The following EIF2B3 variants were observed in gnomAD, a reference collection of about 807,000 sequenced individuals.
EIF2B3 encodes translation initiation factor eIF2B subunit gamma.
EIF2B3 carries 20 observed loss-of-function variants against 54.1 expected under a neutral mutation model. That is an observed-to-expected ratio of 0.37 (90% CI 0.26 to 0.54). The LOEUF (loss-of-function observed/expected upper bound fraction) is 0.54. EIF2B3 is among the 20% of genes least tolerant of loss of function. The probability of loss-of-function intolerance (pLI) is 0.86; values close to 1 mark genes in which losing one functional copy is unlikely to be tolerated. For synonymous variants in EIF2B3, 153 were observed against 188.1 expected (o/e 0.81, Z 1.52); for missense variants, 448 against 547.8 (o/e 0.82, Z 1.82).
chr1:44,924,664 G>T (rs942060365), intron 5 of EIF2B3, among the ~76,000 whole-genome samples: 3 of 152,190 alleles, frequency 2.0e-5, no homozygotes, highest in African/African-American at 7.2e-5. Context: ...GGAATTACAG[G>T]CGTGAGCCAC....
chr1:44,868,442 G>C (rs1654856773), intron 10 of EIF2B3, among the ~76,000 whole-genome samples: 1 of 149,898 alleles, frequency 6.7e-6, no homozygotes, highest in African/African-American at 2.4e-5. Context: ...GTGTCTTAGG[G>C]AGCCATGGTT....
Position 44,880,027 on chromosome 1 carries a change from A to G in EIF2B3, c.785-19T>C. 1 of 1,612,960 alleles carries G rather than the reference A, an allele frequency of 6.2e-7. No individual in the cohort carries two copies. The stretch of plus-strand genomic sequence containing the variant: ...TAGATATCTTCAGAACAAACACCCA[A>G]CCAAGGAAATAAATGAGAGAGAGAT... On this transcript the variant is annotated intron_variant, in intron 7 of 11. Coordinates refer to ENST00000360403, the MANE Select transcript of EIF2B3 (RefSeq NM_020365.5).
chr1:44,870,263 C>T (rs1654925828), intron 10 of EIF2B3, among the ~76,000 whole-genome samples: 1 of 152,062 alleles, frequency 6.6e-6, no homozygotes, highest in African/African-American at 2.4e-5. Context: ...TGGGTCTGAC[C>T]TCTTTTCCTA....
At chr1:44,943,022 A>AT (rs1308707471) in intron 3 of EIF2B3, among the ~76,000 whole-genome samples, 6 of 150,122 alleles carry the variant, frequency 4.0e-5, no homozygotes, top group Non-Finnish European at 8.9e-5. Flanking sequence ...CGCCCGGCTA[A>AT]TTTTTTTTGT....
intron 3 of EIF2B3, among the ~76,000 whole-genome samples, chr1:44,954,686 TTCC>T (rs1644203591): frequency 6.6e-6 from 1 of 152,198 alleles, no homozygotes; most frequent in African/African-American, 2.4e-5. Flanking sequence ...ACAATTTGAC[TTCC>T]TCTCTTCCTA....
chr1:44,964,231 T>C (rs1644314090), intron 3 of EIF2B3, among the ~76,000 whole-genome samples: 1 of 151,606 alleles, frequency 6.6e-6, no homozygotes, highest in Non-Finnish European at 1.5e-5. Context: ...CAGGAAGGCA[T>C]CATCAGGATT....
chr1:44,977,547 C>T (rs1644464963), intron 3 of EIF2B3, among the ~76,000 whole-genome samples: 1 of 151,910 alleles, frequency 6.6e-6, no homozygotes, highest in African/African-American at 2.4e-5. Context: ...TCACTGCAAC[C>T]TCCACCTCCT....
intron 2 of EIF2B3, among the ~76,000 whole-genome samples, chr1:44,979,587 G>A (rs960042666): frequency 4.6e-5 from 7 of 151,866 alleles, no homozygotes; most frequent in African/African-American, 1.7e-4. Context: ...GATCCCAGGA[G>A]GCAGAGGTTG....
chr1:44,915,749 A>C (rs1226297900), intron 5 of EIF2B3, among the ~76,000 whole-genome samples: 2 of 152,268 alleles, frequency 1.3e-5, no homozygotes, highest in East Asian at 1.9e-4. Context: ...TAAAAAACAA[A>C]ATGCTATTTT....
chr1:44,912,627 A>T (rs534236247), intron 5 of EIF2B3, among the ~76,000 whole-genome samples: 38 of 152,210 alleles, frequency 2.5e-4, no homozygotes, highest in South Asian at 1.9e-3. Context: ...CCCTTTCCAT[A>T]TCCGGACCAA....
At chr1:44,983,351 A>AT (rs1282678722) in intron 1 of EIF2B3, among the ~76,000 whole-genome samples, 1 of 152,226 alleles carries the variant, frequency 6.6e-6, no homozygotes, top group Non-Finnish European at 1.5e-5. Context: ...CTTTACTATA[A>AT]TTATTATTAC....
intron 11 of EIF2B3, among the ~76,000 whole-genome samples, chr1:44,855,800 G>T (rs1428167236): frequency 6.6e-6 from 1 of 152,066 alleles, no homozygotes; most frequent in Admixed American, 6.6e-5. Context: ...CAGGTGATCC[G>T]CCCACTTCGG....
intron 3 of EIF2B3, among the ~76,000 whole-genome samples, chr1:44,975,574 C>T (rs1191140311): frequency 6.6e-6 from 1 of 152,192 alleles, no homozygotes; most frequent in African/African-American, 2.4e-5. Flanking sequence ...TATGGTATTA[C>T]AATCTTATGG....
At chr1:44,978,487 A>G (rs1033557879) in intron 2 of EIF2B3, 27 bp from the exon 3 acceptor site, 3 of 1,607,540 alleles carry the variant, frequency 1.9e-6, no homozygotes, top group Non-Finnish European at 2.5e-6. Flanking sequence ...AAAAAGAAAG[A>G]AAAACAAAAA....
At chr1:44,958,777 C>T (rs1214394739) in intron 3 of EIF2B3, 4 of 1,469,434 alleles carry the variant, frequency 2.7e-6, no homozygotes, top group Middle Eastern at 1.7e-4. Context: ...AAATATAAAG[C>T]TATGGTATTG....
At chr1:44,978,604 C>T (rs1644478320) in intron 2 of EIF2B3, 144 bp from the exon 3 acceptor site, 1 of 585,002 alleles carries the variant, frequency 1.7e-6, no homozygotes, top group Non-Finnish European at 2.8e-6. Flanking sequence ...ATTTTACCTG[C>T]ATTCCCCCAA....
chr1:44,856,408 G>A (rs1006126683), intron 11 of EIF2B3, among the ~76,000 whole-genome samples: 12 of 151,618 alleles, frequency 7.9e-5, no homozygotes, highest in South Asian at 2.1e-4. Flanking sequence ...TCAGCTGCCC[G>A]GGAGGCTGAG....
At chr1:44,867,979 A>G (rs997698995) in intron 10 of EIF2B3, among the ~76,000 whole-genome samples, 2 of 151,986 alleles carry the variant, frequency 1.3e-5, no homozygotes, top group Non-Finnish European at 2.9e-5. Context: ...TTGAGGCTGC[A>G]GTAAGTCATG....
At chr1:44,961,376 T>C (rs943154546) in intron 3 of EIF2B3, among the ~76,000 whole-genome samples, 40 of 149,420 alleles carry the variant, frequency 2.7e-4, no homozygotes, top group Admixed American at 2.5e-3. Flanking sequence ...CAGGATATAC[T>C]GTCAAGTGAA....
Sources: allele counts gnomAD v4.1 joint callset (sites outside exome capture counted in the v4.1 genomes callset), GRCh38; gene constraint gnomAD v4.1.1; transcripts MANE v1.5; gene names NCBI Gene and HGNC (gene_info 2026-07-23, HGNC 2026-07-21).